PIK3CD: variants seen among roughly 807,000 people sequenced by gnomAD.
The protein encoded by PIK3CD is phosphatidylinositol-4,5-bisphosphate 3-kinase catalytic subunit delta.
A neutral mutation model predicts 122.9 loss-of-function variants in PIK3CD; 20 were observed. The observed-to-expected ratio is 0.16, with a 90% CI of 0.11 to 0.24. The LOEUF is 0.24. Among genes scored for constraint, PIK3CD ranks in the 10% least tolerant of loss-of-function variants. The pLI, the probability that PIK3CD is intolerant of heterozygous loss-of-function variation, is 1.00. For missense variants in PIK3CD, 787 were observed against 1,406.3 expected (o/e 0.56, Z 7.04); for synonymous variants, 596 against 593.4 (o/e 1.00, Z -0.06).
At chr1:9,672,199 T>G (rs142620856) in intron 1 of PIK3CD, among the ~76,000 whole-genome samples, 1 of 152,354 alleles carries the variant, frequency 6.6e-6, no homozygotes, top group East Asian at 1.9e-4. Context: ...TTTTTAAAGC[T>G]AATGTTAATT....
At chr1:9,635,975 C>T in the PIK3CD span, among the ~76,000 whole-genome samples, 1 of 152,236 alleles carries the variant, frequency 6.6e-6, no homozygotes. Context: ...GAGGGATTCG[C>T]TCTGACTTGG....
In PIK3CD at chr1:9,692,643, T is replaced by C. The variant is rs573740602; in HGVS notation, c.-33+1072T>C. Among the ~76,000 whole-genome samples, 7 of 152,164 alleles carry C rather than the reference T, an allele frequency of 4.6e-5. No homozygotes were observed. In the East Asian group the frequency reaches 9.6e-4, roughly 21 times the overall value. Reference sequence around the variant, plus strand: ...TACTCGAGAGGCTGAGGCAGGAGAATCACTTGAACCCAGGAGGCGGAGGTT... The same window carrying C: ...TACTCGAGAGGCTGAGGCAGGAGAACCACTTGAACCCAGGAGGCGGAGGTT... On this transcript the variant is annotated intron_variant, in intron 2 of 23. Transcript: ENST00000377346.
At chr1:9,629,018 G>A in the PIK3CD span, among the ~76,000 whole-genome samples, 1 of 152,084 alleles carries the variant, frequency 6.6e-6, no homozygotes, top group African/African-American at 2.4e-5. Flanking sequence ...CAAGTGAGGG[G>A]CGGGCCTGGG....
chr1:9,628,967 G>C, the PIK3CD span, among the ~76,000 whole-genome samples: 3 of 152,176 alleles, frequency 2.0e-5, no homozygotes, highest in Non-Finnish European at 1.5e-5. Context: ...TGCCGTCTGT[G>C]GTCTGCCCTG....
rs770569726 is a variant in PIK3CD, at chr1:9,727,057, C to T, written c.*11C>T. Reference sequence around the variant, plus strand: ...GACAACAGGCAGTAGTGGCTCCTCCCAGCCCTGGGCCCAAGAGGAGGCGGC... The same window carrying T: ...GACAACAGGCAGTAGTGGCTCCTCCTAGCCCTGGGCCCAAGAGGAGGCGGC... On this transcript the variant is annotated 3_prime_UTR_variant, in exon 24 of 24. Coordinates refer to ENST00000377346, the MANE Select transcript of PIK3CD (RefSeq NM_005026.5). 3 of 1,613,876 alleles carry T rather than the reference C, an allele frequency of 1.9e-6. No individual in the cohort carries two copies. The highest frequency in any genetic ancestry group is 2.7e-5 in the African/African-American group (2 of 74,928).
chr1:9,640,510 C>T, the PIK3CD span, among the ~76,000 whole-genome samples: 9 of 151,078 alleles, frequency 6.0e-5, no homozygotes, highest in Admixed American at 1.3e-4. Flanking sequence ...ACCAGGGAGG[C>T]GGAAGTTGTA....
chr1:9,702,681 C>T (rs762454893), intron 2 of PIK3CD, among the ~76,000 whole-genome samples: 9 of 150,618 alleles, frequency 6.0e-5, no homozygotes, highest in East Asian at 2.0e-4. Context: ...CCACCATGCC[C>T]GGCTAACTTT....
At chr1:9,635,938 C>T in the PIK3CD span, among the ~76,000 whole-genome samples, 1 of 152,250 alleles carries the variant, frequency 6.6e-6, no homozygotes, top group African/African-American at 2.4e-5. Flanking sequence ...AACACTTGCC[C>T]ATCCAAGGTC....
rs577356984 is a variant in PIK3CD, at chr1:9,691,378, CT to C, written c.-137-88del. ...CCTAGATGAAGCAGTTGATTTTGAG[CT>C]AACGTCCTGTAAGAGAATGCACAGG... is the stretch of plus-strand genomic sequence containing the variant. On this transcript the variant is annotated intron_variant, in intron 1 of 23. Coordinates refer to ENST00000377346, the MANE Select transcript of PIK3CD (RefSeq NM_005026.5). 2.5e-3 allele frequency: 986 copies of C among 394,266 alleles called. 3 individuals are homozygous for C. The highest frequency in any genetic ancestry group is 3.6e-3 in the Non-Finnish European group (809 of 223,710). The allele number at this position is 394,266 out of a possible 1,614,324, so 24.4% of individuals were successfully genotyped here. A position where few individuals can be genotyped will look rare whatever the true frequency, so the allele number is the denominator to read the frequency against.
intron 1 of PIK3CD, chr1:9,653,457 C>T (rs750067689): frequency 1.0e-4 from 26 of 249,932 alleles, no homozygotes; most frequent in Non-Finnish European, 1.9e-4. Flanking sequence ...CAGCTCTTTC[C>T]GACGCCAGCG....
At chr1:9,635,299 A>T in the PIK3CD span, among the ~76,000 whole-genome samples, 23 of 149,284 alleles carry the variant, frequency 1.5e-4, no homozygotes, top group Admixed American at 1.1e-3. Flanking sequence ...AAGCTACAGG[A>T]ACCAGGAGCT....
At chr1:9,651,721 C>T (rs939478435), upstream of PIK3CD, 2 of 152,020 alleles carry the variant, frequency 1.3e-5, no homozygotes, top group African/African-American at 4.8e-5. Context: ...GCCTCCCTCC[C>T]TCGAGGCTCA....
chr1:9,703,507 A>G (rs1395635261), intron 2 of PIK3CD, among the ~76,000 whole-genome samples: 1 of 152,186 alleles, frequency 6.6e-6, no homozygotes, highest in Non-Finnish European at 1.5e-5. Flanking sequence ...GCGCCCTTCT[A>G]GTCACTCCCC....
intron 1 of PIK3CD, among the ~76,000 whole-genome samples, chr1:9,686,582 G>C (rs1645975989): frequency 6.6e-6 from 1 of 152,044 alleles, no homozygotes; most frequent in South Asian, 2.1e-4. Context: ...TTGAACTCCT[G>C]GGCTCAAGTG....
intron 3 of PIK3CD, among the ~76,000 whole-genome samples, chr1:9,711,714 A>C (rs558060810): frequency 1.8e-4 from 27 of 152,166 alleles, no homozygotes; most frequent in Admixed American, 1.2e-3. Flanking sequence ...AGCTGGGACT[A>C]CAGGCACGTG....
intron 1 of PIK3CD, among the ~76,000 whole-genome samples, chr1:9,665,698 G>A (rs2100899880): frequency 6.6e-6 from 1 of 152,114 alleles, no homozygotes; most frequent in East Asian, 1.9e-4. Flanking sequence ...TTTAGGTAAA[G>A]GAGACTTCTT....
rs1646745487 is a variant in PIK3CD, at chr1:9,704,083, A to G, written c.-32-6341A>G. The stretch of plus-strand genomic sequence containing the variant: ...AGGGAAGAGTTAGGGCTGGTTGGCC[A>G]CTGTGCTAGAGAGAGGTTCTTAGCC... On this transcript the variant is annotated intron_variant, in intron 2 of 23. Transcript: ENST00000377346. The surrounding 1 kb of genome is among the most constrained non-coding windows in gnomAD (Gnocchi z 5.0). 6.6e-6 allele frequency among the ~76,000 whole-genome samples: 1 copy of G among 152,172 alleles called. No individual in the cohort carries two copies. The highest frequency in any genetic ancestry group is 1.5e-5 in the Non-Finnish European group (1 of 68,034).
In PIK3CD at chr1:9,720,040, G is replaced by GAGGC; in HGVS notation, c.1339+24_1339+27dup. ...CAGGTCGGCCCAGGCCCAGGAGGGA[G>GAGGC]AGGCGTTGGGAGTGTGAGGGTCCCA... On this transcript the variant is annotated intron_variant, in intron 10 of 23. Transcript: ENST00000377346. This position sits in a 1 kb window ranked among gnomAD's most constrained non-coding sequence, Gnocchi z 9.0. 1 of 1,613,442 alleles carries GAGGC rather than the reference G, an allele frequency of 6.2e-7. No homozygotes were observed. The highest frequency in any genetic ancestry group is 1.1e-5 in the South Asian group (1 of 91,082).
intron 23 of PIK3CD, 135 bp downstream of exon 23, chr1:9,725,071 AC>A: frequency 8.7e-7 from 1 of 1,154,272 alleles, no homozygotes; most frequent in Non-Finnish European, 1.3e-6. Flanking sequence ...CCGTCCCAGG[AC>A]CCAGCAGTGG....
Sources: allele counts gnomAD v4.1 joint callset (sites outside exome capture counted in the v4.1 genomes callset), GRCh38; gene constraint gnomAD v4.1.1; non-coding constraint Gnocchi (gnomAD v3.1); transcripts MANE v1.5; gene names NCBI Gene and HGNC (gene_info 2026-07-23, HGNC 2026-07-21).